Variants in DNAH5 observed in about 807,000 individuals in gnomAD.
The protein encoded by DNAH5 is dynein axonemal heavy chain 5, also known as axonemal beta dynein heavy chain 5.
DNAH5 carries 372 observed loss-of-function variants against 518.2 expected under a neutral mutation model. The observed-to-expected ratio is 0.72, with a 90% confidence interval of 0.66 to 0.78. The LOEUF (loss-of-function observed/expected upper bound fraction) is 0.78. Ranked by LOEUF, DNAH5 falls within the 30% of genes least tolerant of loss-of-function variation. The pLI is 0.00. For synonymous variants in DNAH5, 2,039 were observed against 2,025.9 expected (o/e 1.01, Z -0.17); for missense variants, 5,523 against 5,687.0 (o/e 0.97, Z 0.93).
At chr5:13,843,424 C>T (rs1765547434) in intron 32 of DNAH5, among the ~76,000 whole-genome samples, 1 of 152,158 alleles carries the variant, frequency 6.6e-6, no homozygotes, top group Non-Finnish European at 1.5e-5. Context: ...TCTCTTTGCT[C>T]ATGGCTCCCT....
At position 13,871,708 on chromosome 5, in the gene DNAH5, T is replaced by C; in HGVS notation, c.3454A>G (p.Lys1152Glu). ...KRYNHIWQKG[K>E]EEAIKTFITQ... is the part of the protein sequence containing the mutation. The stretch of plus-strand genomic sequence containing the variant: ...ATAAATGTCTTAATGGCTTCTTCTT[T>C]TCCCTTTTGCCAAATGTGATTGTAG... Residue 1152 changes from lysine (K) to glutamate (E), a missense_variant, in exon 23 of 79, where the codon AAA becomes GAA. By Grantham distance (56) the Lys-to-Glu change is moderately conservative. Coordinates refer to ENST00000265104, the MANE Select transcript of DNAH5 (RefSeq NM_001369.3). The C allele has an allele frequency of 6.2e-7, 1 of 1,613,792 alleles. No homozygotes were observed. Among genetic ancestry groups the C allele is most frequent in the Non-Finnish European group, 8.5e-7 (1 of 1,179,808 alleles).
At chr5:13,853,637 G>A (rs1767201293) in intron 30 of DNAH5, among the ~76,000 whole-genome samples, 1 of 152,012 alleles carries the variant, frequency 6.6e-6, no homozygotes, top group African/African-American at 2.4e-5. Context: ...AAAGGTTAGA[G>A]AAATTGCTAA....
At chr5:13,995,628 G>A (rs543290097) in intron 1 of DNAH5, among the ~76,000 whole-genome samples, 8 of 151,070 alleles carry the variant, frequency 5.3e-5, no homozygotes, top group African/African-American at 1.7e-4. Context: ...ACAAAATCCA[G>A]GTTAAAAAAA....
chr5:13,871,847 G>T (rs569154525), intron 22 of DNAH5, 82 bp from the exon 23 acceptor site: 4 of 1,224,862 alleles, frequency 3.3e-6, no homozygotes, highest in Admixed American at 1.8e-5. Flanking sequence ...CCAACTGCTG[G>T]TGGTTCCTAT....
chr5:13,879,781 T>A (rs1197678158), intron 21 of DNAH5, among the ~76,000 whole-genome samples: 1 of 151,154 alleles, frequency 6.6e-6, no homozygotes, highest in Non-Finnish European at 1.5e-5. Context: ...ATAAAAAGAA[T>A]GAAAAAGAAT....
At chr5:13,710,747 C>T (rs1247120208) in intron 75 of DNAH5, among the ~76,000 whole-genome samples, 2 of 152,140 alleles carry the variant, frequency 1.3e-5, no homozygotes, top group Non-Finnish European at 2.9e-5. Context: ...CCTTTACACA[C>T]ATAAACCAGA....
rs1776004533 is a variant in DNAH5, at chr5:13,911,603, G to C, written c.1537-110C>G. The stretch of plus-strand genomic sequence containing the variant: ...ACAATAATTGCCAGAAAAAAAATAA[G>C]TTTAAAGGAAGCCTTATTTTTTTAC... On this transcript the variant is annotated intron_variant, in intron 11 of 78. Transcript: ENST00000265104. 1.9e-5 allele frequency: 16 copies of C among 858,904 alleles called. No homozygotes were observed. In the South Asian group the frequency reaches 2.6e-4, roughly 14 times the overall value. 53.2% of individuals were successfully genotyped at this position (858,904 alleles called of 1,614,324 possible). A position where few individuals can be genotyped will look rare whatever the true frequency, so the allele number is the denominator to read the frequency against.
intron 12 of DNAH5, among the ~76,000 whole-genome samples, chr5:13,908,050 A>G (rs994784200): frequency 5.3e-5 from 8 of 152,168 alleles, no homozygotes; most frequent in Non-Finnish European, 1.2e-4. Flanking sequence ...TGTGGAGGAG[A>G]TGGAGCTATT....
At chr5:13,768,396 C>T (rs759698507) in intron 58 of DNAH5, among the ~76,000 whole-genome samples, 4 of 152,184 alleles carry the variant, frequency 2.6e-5, no homozygotes, top group Non-Finnish European at 5.9e-5. Context: ...CCATGCGGAA[C>T]TCTGAGTCAA....
chr5:13,744,896 T>C (rs1226006859), intron 65 of DNAH5, among the ~76,000 whole-genome samples: 1 of 152,112 alleles, frequency 6.6e-6, no homozygotes. Context: ...GTAACCAAAA[T>C]AGAAAGATTA....
chr5:13,940,000 T>G (rs1361571969), intron 1 of DNAH5, among the ~76,000 whole-genome samples: 1 of 152,162 alleles, frequency 6.6e-6, no homozygotes, highest in African/African-American at 2.4e-5. Context: ...AACTTTGGCA[T>G]CCTGTCTATT....
chr5:13,841,041 T>C lies in DNAH5; in HGVS notation c.5574A>G (p.Lys1858=), dbSNP rs1765087519. 1 of 1,614,144 alleles carries C rather than the reference T, an allele frequency of 6.2e-7. No homozygotes were observed. The highest frequency in any genetic ancestry group is 1.3e-5 in the African/African-American group (1 of 75,054). Residue 1858 remains lysine, a synonymous_variant, in exon 34 of 79, where the codon AAA becomes AAG. Transcript: ENST00000265104. ...NAKFDKKIMQ[K]TNQAFLELLN... is the part of the protein sequence containing the mutation. The stretch of plus-strand genomic sequence containing the variant: ...GTAGCTCCAGGAAAGCCTGATTAGT[T>C]TTCTGCATGATTTTTTTATCAAACT...
intron 1 of DNAH5, among the ~76,000 whole-genome samples, chr5:13,982,065 G>A (rs1163456356): frequency 1.3e-5 from 2 of 152,198 alleles, no homozygotes; most frequent in Non-Finnish European, 2.9e-5. Context: ...TCAAGAAAAA[G>A]GTCAAAATAC....
At chr5:13,960,000 G>A (rs1304936006) in intron 1 of DNAH5, among the ~76,000 whole-genome samples, 2 of 150,482 alleles carry the variant, frequency 1.3e-5, no homozygotes. Context: ...CTGAGTCCAG[G>A]AAAAACACCC....
At chr5:13,988,704 G>A (rs1031381908) in intron 1 of DNAH5, among the ~76,000 whole-genome samples, 1 of 147,044 alleles carries the variant, frequency 6.8e-6, no homozygotes, top group African/African-American at 2.5e-5. Flanking sequence ...TTACAGGCAT[G>A]AGCCACTGCA....
At chr5:13,864,944 T>C (rs985852260) in intron 27 of DNAH5, among the ~76,000 whole-genome samples, 1 of 151,896 alleles carries the variant, frequency 6.6e-6, no homozygotes, top group Admixed American at 6.6e-5. Context: ...ACTGAGAACT[T>C]ACTAAGCACA....
chr5:13,737,106 G>A (rs539553357), intron 66 of DNAH5, 146 bp downstream of exon 66: 73 of 1,336,040 alleles, frequency 5.5e-5, no homozygotes, highest in Non-Finnish European at 6.8e-5. Flanking sequence ...TCCATTTTAC[G>A]GAATATTTCC....
At position 13,707,659 on chromosome 5, in the gene DNAH5, AT is replaced by A. The variant is rs1176971188; in HGVS notation, c.13338+463del. On this transcript the variant is annotated intron_variant, in intron 76 of 78. Transcript: ENST00000265104. The surrounding 1 kb of genome is among the most constrained non-coding windows in gnomAD (Gnocchi z 4.0). Reference sequence around the variant, plus strand: ...TGAGGGGGATAAGGGAACTCCTCCGATTTCGACAGCATGTAGCAGAAACTTT... The same window carrying A: ...TGAGGGGGATAAGGGAACTCCTCCGATTCGACAGCATGTAGCAGAAACTTT... Among the ~76,000 whole-genome samples, 2 of 152,004 alleles carry A rather than the reference AT, an allele frequency of 1.3e-5. No individual in the cohort carries two copies. The highest frequency in any genetic ancestry group is 3.9e-4 in the East Asian group (2 of 5,158).
At chr5:13,830,924 C>T (rs1763592797) in intron 35 of DNAH5, 149 bp from the exon 36 acceptor site, 2 of 737,862 alleles carry the variant, frequency 2.7e-6, no homozygotes, top group Non-Finnish European at 4.6e-6. Context: ...CTAAAACACA[C>T]TTATCCTTAT....
Sources: gnomAD v4.1 joint callset for allele counts (sites outside exome capture counted in the v4.1 genomes callset) on GRCh38, gnomAD v4.1.1 for gene constraint, Gnocchi (gnomAD v3.1) non-coding constraint, MANE v1.5 for transcripts, NCBI Gene and HGNC (gene_info 2026-07-23, HGNC 2026-07-21) for gene names.